The following KCNIP1 variants were observed in gnomAD, a reference collection of about 807,000 sequenced individuals.
KCNIP1 encodes the protein A-type potassium channel modulatory protein KCNIP1.
Under a neutral mutation model 33.0 loss-of-function variants are expected in KCNIP1, and 18 were observed. The ratio of observed to expected loss-of-function variants is 0.55; its 90% CI spans 0.38 to 0.81. The LOEUF is 0.81. Ranked by LOEUF, KCNIP1 falls within the 30% of genes least tolerant of loss-of-function variation. KCNIP1 has a pLI of 0.00. For synonymous variants in KCNIP1, 93 were observed against 98.3 expected (o/e 0.95, Z 0.32); for missense variants, 238 against 271.6 (o/e 0.88, Z 0.87).
intron 1 of KCNIP1, among the ~76,000 whole-genome samples, chr5:170,410,324 G>A (rs535431342): frequency 2.0e-5 from 3 of 151,286 alleles, no homozygotes; most frequent in East Asian, 1.9e-4. Flanking sequence ...CACAGTGAAG[G>A]TGTACCAGGT....
chr5:170,727,420 C>G (rs2113886686), intron 5 of KCNIP1, among the ~76,000 whole-genome samples: 1 of 152,234 alleles, frequency 6.6e-6, no homozygotes, highest in South Asian at 2.1e-4. Context: ...ATTCATCAAA[C>G]AGTACACTTA....
At chr5:170,353,768 C>T (rs545811384) in exon 1 of KCNIP1, 18 of 943,660 alleles carry the variant, frequency 1.9e-5, no homozygotes, top group South Asian at 4.3e-5. Context: ...GGGGTGCATC[C>T]GTCACTCAGG....
chr5:170,357,946 A>G (rs1259272918), intron 1 of KCNIP1, among the ~76,000 whole-genome samples: 3 of 152,212 alleles, frequency 2.0e-5, no homozygotes, highest in Non-Finnish European at 4.4e-5. Context: ...TCCCAGAGCC[A>G]GGTCCTCGCC....
chr5:170,612,263 C>T (rs1364444196), intron 1 of KCNIP1, among the ~76,000 whole-genome samples: 1 of 152,238 alleles, frequency 6.6e-6, no homozygotes, highest in Non-Finnish European at 1.5e-5. Flanking sequence ...CTTCCCTTTT[C>T]CAAATTTCCT....
At chr5:170,357,360 G>A (rs1431849586) in intron 1 of KCNIP1, among the ~76,000 whole-genome samples, 1 of 152,170 alleles carries the variant, frequency 6.6e-6, no homozygotes, top group Non-Finnish European at 1.5e-5. Flanking sequence ...CAGTAGTGTT[G>A]ATGGATATGA....
At chr5:170,712,956 T>C (rs2113858615) in intron 1 of KCNIP1, 1 of 1,300,900 alleles carries the variant, frequency 7.7e-7, no homozygotes, top group Non-Finnish European at 1.1e-6. Context: ...TTAATCAAGC[T>C]CATGTTTTGT....
intron 1 of KCNIP1, among the ~76,000 whole-genome samples, chr5:170,452,750 T>G (rs560913712): frequency 1.3e-5 from 2 of 152,364 alleles, no homozygotes; most frequent in East Asian, 3.9e-4. Context: ...GTTATTTGTC[T>G]GAGTAATTTC....
chr5:170,404,719 A>G (rs971438156), intron 1 of KCNIP1, among the ~76,000 whole-genome samples: 4 of 152,234 alleles, frequency 2.6e-5, no homozygotes, highest in African/African-American at 9.6e-5. Flanking sequence ...GTCCAAGCAG[A>G]TCATGAGGCT....
intron 1 of KCNIP1, among the ~76,000 whole-genome samples, chr5:170,391,682 T>C (rs1307041754): frequency 6.6e-6 from 1 of 152,186 alleles, no homozygotes; most frequent in Non-Finnish European, 1.5e-5. Context: ...GAGGTGGAGA[T>C]TTTTCTACCC....
At chr5:170,437,051 T>C (rs1307907664) in intron 1 of KCNIP1, among the ~76,000 whole-genome samples, 3 of 152,164 alleles carry the variant, frequency 2.0e-5, no homozygotes, top group South Asian at 4.2e-4. Flanking sequence ...TTTGCCAAGT[T>C]TGATGAAGAA....
At chr5:170,373,978 C>A (rs1016229176) in intron 1 of KCNIP1, among the ~76,000 whole-genome samples, 1 of 152,194 alleles carries the variant, frequency 6.6e-6, no homozygotes, top group African/African-American at 2.4e-5. Flanking sequence ...GAAGGTGGCA[C>A]TTTGCTCAAA....
intron 1 of KCNIP1, among the ~76,000 whole-genome samples, chr5:170,644,003 C>T (rs1294237050): frequency 1.3e-5 from 2 of 152,244 alleles, no homozygotes; most frequent in Non-Finnish European, 2.9e-5. Flanking sequence ...GCGTTTCCTT[C>T]TCCATCTGTA....
intron 1 of KCNIP1, among the ~76,000 whole-genome samples, chr5:170,618,120 T>C (rs1279307061): frequency 6.6e-6 from 1 of 152,162 alleles, no homozygotes; most frequent in Admixed American, 6.5e-5. Flanking sequence ...TAAGTGTCCT[T>C]GGCAATTTGT....
At chr5:170,414,968 A>T in intron 1 of KCNIP1, among the ~76,000 whole-genome samples, 1 of 152,218 alleles carries the variant, frequency 6.6e-6, no homozygotes, top group East Asian at 1.9e-4. Flanking sequence ...CCCAGCATGT[A>T]GTAGGTGCTC....
intron 1 of KCNIP1, among the ~76,000 whole-genome samples, chr5:170,658,885 G>A (rs568421284): frequency 1.6e-4 from 25 of 152,320 alleles, no homozygotes; most frequent in African/African-American, 5.8e-4. Context: ...ACCATTCTCA[G>A]GTTCCTGTTG....
chr5:170,443,965 G>A (rs1756051817), intron 1 of KCNIP1, among the ~76,000 whole-genome samples: 1 of 152,214 alleles, frequency 6.6e-6, no homozygotes, highest in Non-Finnish European at 1.5e-5. Flanking sequence ...CCAGGTGGGT[G>A]TAAATTTGCA....
rs34559363 is a variant in KCNIP1, at chr5:170,733,884, G to A, written c.589G>A (p.Glu197Lys). 2 of 1,613,638 alleles carry A rather than the reference G, an allele frequency of 1.2e-6. No homozygotes were observed. Among genetic ancestry groups the A allele is most frequent in the Non-Finnish European group, 1.7e-6 (2 of 1,179,610 alleles). ...CATCGTAACTTTAGATGAATTTCTT[G>A]AATCATGTCAGGAGGTAAGGAGAGA... ...DGIVTLDEFL[E>K]SCQEDDNIMR... The change falls in exon 7 of 8, where the codon GAA (glutamate) becomes AAA (lysine). Residue 197 changes from glutamate to lysine, a missense_variant. Coordinates refer to ENST00000328939, the MANE Select transcript of KCNIP1 (RefSeq NM_014592.4).
intron 1 of KCNIP1, among the ~76,000 whole-genome samples, chr5:170,394,032 T>C (rs931217812): frequency 6.6e-5 from 10 of 152,158 alleles, no homozygotes; most frequent in African/African-American, 2.2e-4. Flanking sequence ...TGAGGTACAG[T>C]GTTAGCCTCA....
rs533497226 is a variant in KCNIP1 at position 170,565,967 on chromosome 5, A to G, written c.61+61334A>G. 2.0e-5 allele frequency among the ~76,000 whole-genome samples: 3 copies of G among 152,334 alleles called. No homozygotes were observed. The East Asian group carries it at 5.8e-4, about 29-fold the overall frequency. ...ACAATGCAAAAATATCTGTATATGG[A>G]TGAAGAGTGGAAGAGGACAATTATG... On this transcript the variant is annotated intron_variant, in intron 1 of 7. Transcript: ENST00000328939.
Sources: allele counts gnomAD v4.1 joint callset (sites outside exome capture counted in the v4.1 genomes callset), GRCh38; gene constraint gnomAD v4.1.1; transcripts MANE v1.5; gene names NCBI Gene and HGNC (gene_info 2026-07-23, HGNC 2026-07-21).